Variants in PRR5L observed in about 807,000 individuals in gnomAD.
PRR5L encodes proline-rich protein 5-like.
In PRR5L, 21 loss-of-function variants were observed where a neutral mutation model predicts 36.4. The observed-to-expected ratio is 0.58, with a 90% CI of 0.41 to 0.83. The LOEUF is 0.83. Among genes scored for constraint, PRR5L ranks in the 40% least tolerant of loss-of-function variants. The pLI is 0.00. For synonymous variants in PRR5L, 188 were observed against 197.0 expected, an observed-to-expected ratio of 0.95 and a Z score of 0.38; for missense variants, 381 against 473.3, an observed-to-expected ratio of 0.80 and a Z score of 1.81.
intron 3 of PRR5L, among the ~76,000 whole-genome samples, chr11:36,406,104 CT>C (rs34363237): frequency 0.19 from 28,032 of 147,294 alleles, 3,828 homozygotes; most frequent in African/African-American, 0.4. Context: ...GGTTCCTGAT[CT>C]TTTTTTTTTT....
intron 5 of PRR5L, among the ~76,000 whole-genome samples, chr11:36,432,837 C>T (rs905210345): frequency 2.6e-5 from 4 of 152,014 alleles, no homozygotes; most frequent in Non-Finnish European, 5.9e-5. Context: ...GGGAAAGACA[C>T]GAGTGTGTCC....
chr11:36,451,171 A>G, intron 7 of PRR5L, 38 bp from the exon 8 acceptor site: 1 of 1,611,406 alleles, frequency 6.2e-7, no homozygotes, highest in Non-Finnish European at 8.5e-7. Context: ...ATGGCAATGA[A>G]CACTGACCTT....
chr11:36,329,801 A>G (rs1165635147), intron 1 of PRR5L, among the ~76,000 whole-genome samples: 1 of 152,186 alleles, frequency 6.6e-6, no homozygotes, highest in East Asian at 1.9e-4. Flanking sequence ...GTGAATTCCT[A>G]TCTTCTTGAG....
chr11:36,356,124 C>T lies in PRR5L; in HGVS notation c.-125-44873C>T, dbSNP rs552548996. Reference sequence around the variant, plus strand: ...TCTAGGTTTCACCATGTTGCCTGGGCTGGTCTCGACCTCCTGAGCTCAATT... The same window carrying T: ...TCTAGGTTTCACCATGTTGCCTGGGTTGGTCTCGACCTCCTGAGCTCAATT... On this transcript the variant is annotated intron_variant, in intron 1 of 8. Transcript: ENST00000530639. Among the ~76,000 whole-genome samples, 7 of 152,080 alleles carry T rather than the reference C, an allele frequency of 4.6e-5. No homozygotes were observed. In the South Asian group the frequency reaches 1.5e-3, roughly 32 times the overall value.
chr11:36,403,439 G>C (rs1857840612), intron 3 of PRR5L, 61 bp downstream of exon 3: 17 of 1,317,628 alleles, frequency 1.3e-5, no homozygotes, highest in Non-Finnish European at 1.8e-5. Context: ...GGGCATAGGG[G>C]CTACCGCCTT....
In PRR5L at chr11:36,416,376, T is replaced by C. The variant is rs971304050; in HGVS notation, c.246-2879T>C. 5.9e-5 allele frequency among the ~76,000 whole-genome samples: 9 copies of C among 152,118 alleles called. No individual in the cohort carries two copies. The South Asian group carries it at 1.9e-3, about 32-fold the overall frequency. On this transcript the variant is annotated intron_variant, in intron 3 of 8. Transcript: ENST00000530639. ...TATGAACAGTACCTAGTGGAGAAGG[T>C]TTTGCATTCTGGATTTTATAAAAGG...
intron 1 of PRR5L, among the ~76,000 whole-genome samples, chr11:36,375,086 T>G (rs924508730): frequency 6.6e-6 from 1 of 151,944 alleles, no homozygotes; most frequent in Non-Finnish European, 1.5e-5. Flanking sequence ...AATACAATAA[T>G]TAGCCGGGTA....
At chr11:36,384,836 CTTTTT>C (rs370922452) in intron 1 of PRR5L, among the ~76,000 whole-genome samples, 1 of 133,546 alleles carries the variant, frequency 7.5e-6, no homozygotes. Context: ...CCATGCCTGG[CTTTTT>C]TTTTTTTTTT....
chr11:36,317,167 C>T (rs112217902), intron 1 of PRR5L, among the ~76,000 whole-genome samples: 4 of 152,322 alleles, frequency 2.6e-5, no homozygotes, highest in East Asian at 1.9e-4. Flanking sequence ...AAGCTTCAAA[C>T]GTTCTTCTCT....
chr11:36,451,440 C>A, intron 8 of PRR5L, 105 bp downstream of exon 8: 3 of 1,364,998 alleles, frequency 2.2e-6, no homozygotes, highest in Non-Finnish European at 2.0e-6. Flanking sequence ...CACTGTTTAA[C>A]TGAGCACAGC....
At chr11:36,376,278 C>T in intron 1 of PRR5L, 3 of 1,159,254 alleles carry the variant, frequency 2.6e-6, no homozygotes, top group Non-Finnish European at 3.3e-6. Flanking sequence ...AGCTAGGTGC[C>T]CGGGACAGGA....
chr11:36,411,345 G>A (rs866067419), intron 3 of PRR5L, among the ~76,000 whole-genome samples: 3 of 152,176 alleles, frequency 2.0e-5, no homozygotes, highest in East Asian at 1.9e-4. Context: ...ACGGTGAGGC[G>A]TGAGATCGCA....
intron 1 of PRR5L, among the ~76,000 whole-genome samples, chr11:36,313,217 G>A (rs1856521882): frequency 6.6e-6 from 1 of 152,184 alleles, no homozygotes; most frequent in Admixed American, 6.5e-5. Flanking sequence ...CTGTCTCACA[G>A]AAAGAAAACC....
chr11:36,305,281 T>C (rs530740728), intron 1 of PRR5L, among the ~76,000 whole-genome samples: 31 of 152,328 alleles, frequency 2.0e-4, no homozygotes, highest in Non-Finnish European at 4.1e-4. Flanking sequence ...CATAAAAAGC[T>C]ACATATTATA....
At chr11:36,433,772 G>A (rs1858549108) in intron 5 of PRR5L, among the ~76,000 whole-genome samples, 1 of 152,144 alleles carries the variant, frequency 6.6e-6, no homozygotes, top group Admixed American at 6.5e-5. Flanking sequence ...CTCGACTCCT[G>A]ACCTCAAATG....
chr11:36,314,763 G>A (rs991000918), intron 1 of PRR5L, among the ~76,000 whole-genome samples: 1 of 152,206 alleles, frequency 6.6e-6, no homozygotes, highest in Non-Finnish European at 1.5e-5. Context: ...TCCTTAAGGG[G>A]TCTCAAAGCA....
At chr11:36,362,833 A>G (rs905786205) in intron 1 of PRR5L, among the ~76,000 whole-genome samples, 1 of 152,144 alleles carries the variant, frequency 6.6e-6, no homozygotes, top group Admixed American at 6.5e-5. Context: ...TCACTGTAAC[A>G]AGAGGAGGCA....
intron 7 of PRR5L, among the ~76,000 whole-genome samples, chr11:36,449,242 A>T (rs955231650): frequency 6.6e-6 from 1 of 152,194 alleles, no homozygotes; most frequent in African/African-American, 2.4e-5. Flanking sequence ...CCCTGGGGCC[A>T]TATCTGCTAC....
At chr11:36,392,593 T>G (rs1186301429) in intron 1 of PRR5L, among the ~76,000 whole-genome samples, 2 of 152,328 alleles carry the variant, frequency 1.3e-5, no homozygotes, top group African/African-American at 4.8e-5. Flanking sequence ...ATTTTCACAC[T>G]GCTGTAAAGA....
Sources: allele counts gnomAD v4.1 joint callset (sites outside exome capture counted in the v4.1 genomes callset), GRCh38; gene constraint gnomAD v4.1.1; transcripts MANE v1.5; gene names NCBI Gene and HGNC (gene_info 2026-07-23, HGNC 2026-07-21).